SPTLC3: variants seen among roughly 807,000 people sequenced by gnomAD.
SPTLC3 encodes the protein serine palmitoyltransferase 3.
Under a neutral mutation model 59.3 loss-of-function variants are expected in SPTLC3, and 36 were observed. The ratio of observed to expected loss-of-function variants is 0.61; its 90% CI spans 0.47 to 0.80. The LOEUF (loss-of-function observed/expected upper bound fraction) is 0.80, where lower values mean the gene tolerates loss of function less well. SPTLC3 is among the 30% of genes least tolerant of loss of function. The probability of loss-of-function intolerance (pLI) is 0.00; values close to 1 mark genes in which losing one functional copy is unlikely to be tolerated. For synonymous variants in SPTLC3, 257 were observed against 240.8 expected (o/e 1.07, Z -0.62); for missense variants, 625 against 685.1 (o/e 0.91, Z 0.98).
chr20:13,091,860 C>G (rs1322677150), intron 5 of SPTLC3, among the ~76,000 whole-genome samples: 1 of 152,100 alleles, frequency 6.6e-6, no homozygotes, highest in African/African-American at 2.4e-5. Context: ...CTACATTACC[C>G]ATTTATTTTT....
chr20:13,093,413 C>T, intron 5 of SPTLC3, 71 bp from the exon 6 acceptor site: 1 of 1,387,702 alleles, frequency 7.2e-7, no homozygotes, highest in Non-Finnish European at 1.0e-6. Context: ...GAGTGTCTTC[C>T]TGTCCCCACA....
At chr20:13,018,145 C>T (rs1985637672) in intron 1 of SPTLC3, among the ~76,000 whole-genome samples, 1 of 152,226 alleles carries the variant, frequency 6.6e-6, no homozygotes, top group African/African-American at 2.4e-5. Context: ...CCCTGTTGGG[C>T]TCTGCCCATA....
At chr20:13,138,962 G>A (rs1279513601) in intron 9 of SPTLC3, among the ~76,000 whole-genome samples, 1 of 152,154 alleles carries the variant, frequency 6.6e-6, no homozygotes, top group Non-Finnish European at 1.5e-5. Flanking sequence ...ACTCAAAAGT[G>A]TATTTGACTT....
chr20:13,118,460 C>CAAA (rs3041745), intron 8 of SPTLC3, among the ~76,000 whole-genome samples: 2 of 127,634 alleles, frequency 1.6e-5, no homozygotes, highest in Admixed American at 8.3e-5. Context: ...AAAAAAAAAA[C>CAAA]AAAAAAAAAC....
At chr20:13,026,883 A>T (rs1426129958) in intron 1 of SPTLC3, among the ~76,000 whole-genome samples, 2 of 152,190 alleles carry the variant, frequency 1.3e-5, no homozygotes, top group Admixed American at 6.5e-5. Flanking sequence ...AGTGGGCATC[A>T]GGCCAAAAGC....
At chr20:13,101,058 G>A (rs978791014) in intron 6 of SPTLC3, among the ~76,000 whole-genome samples, 1 of 152,210 alleles carries the variant, frequency 6.6e-6, no homozygotes, top group Non-Finnish European at 1.5e-5. Context: ...AGTGACCAGA[G>A]TGGACAACAG....
chr20:13,070,281 T>C (rs1988388283), intron 2 of SPTLC3, among the ~76,000 whole-genome samples: 1 of 152,148 alleles, frequency 6.6e-6, no homozygotes, highest in Non-Finnish European at 1.5e-5. Flanking sequence ...TTAAACAGTA[T>C]ATGCTTATGA....
intron 6 of SPTLC3, among the ~76,000 whole-genome samples, chr20:13,102,350 A>G (rs1404137019): frequency 6.6e-6 from 1 of 152,196 alleles, no homozygotes; most frequent in Admixed American, 6.5e-5. Flanking sequence ...TTTTAGCCTC[A>G]TAACTACAAA....
At chr20:13,049,268 A>C in intron 2 of SPTLC3, 138 bp downstream of exon 2, 13 of 935,332 alleles carry the variant, frequency 1.4e-5, no homozygotes, top group Non-Finnish European at 2.2e-5. Flanking sequence ...ATTCATCTCC[A>C]CCTCCTAAAC....
chr20:13,088,085 G>C (rs1472885807), intron 4 of SPTLC3, among the ~76,000 whole-genome samples: 3 of 152,176 alleles, frequency 2.0e-5, no homozygotes, highest in Non-Finnish European at 4.4e-5. Context: ...CCAGGCTGTT[G>C]GCCTTTTCAC....
chr20:13,031,270 G>A (rs1482451792), intron 1 of SPTLC3, among the ~76,000 whole-genome samples: 8 of 152,184 alleles, frequency 5.3e-5, no homozygotes, highest in Admixed American at 5.2e-4. Context: ...CACTTGAAAT[G>A]TGGCTAGTGC....
At chr20:13,037,139 C>A (rs1040490075) in intron 1 of SPTLC3, among the ~76,000 whole-genome samples, 1 of 151,946 alleles carries the variant, frequency 6.6e-6, no homozygotes, top group Non-Finnish European at 1.5e-5. Context: ...AAAACAGAGA[C>A]ATTTTCCATT....
intron 2 of SPTLC3, among the ~76,000 whole-genome samples, chr20:13,066,160 G>A (rs1555790694): frequency 6.6e-6 from 1 of 152,162 alleles, no homozygotes; most frequent in Non-Finnish European, 1.5e-5. Context: ...GAGATCATAT[G>A]CAGTAGTGTT....
rs760206775 is a variant in SPTLC3, at chr20:13,160,082, C to T, written c.1495C>T (p.Arg499Trp). 5 of 1,613,616 alleles carry T rather than the reference C, an allele frequency of 3.1e-6. No homozygotes were observed. The highest frequency in any genetic ancestry group is 2.7e-5 in the African/African-American group (2 of 74,802). ...TCCAGCCACTCCCCTCGCAGAAGCTCGGGCTCGGTTTTGTGTTTCAGCGGC... is the reference window on the plus strand; with the variant it reads ...TCCAGCCACTCCCCTCGCAGAAGCTTGGGCTCGGTTTTGTGTTTCAGCGGC... ...GFPATPLAEA[R>W]ARFCVSAAHT... is the part of the protein sequence containing the mutation. Residue 499 changes from arginine to tryptophan, a missense_variant, in exon 11 of 12, where the codon CGG (arginine) becomes TGG (tryptophan). Coordinates refer to ENST00000399002, the MANE Select transcript of SPTLC3 (RefSeq NM_018327.4).
chr20:13,109,993 G>C (rs552428496), intron 6 of SPTLC3, 119 bp from the exon 7 acceptor site: 5 of 762,140 alleles, frequency 6.6e-6, no homozygotes, highest in Non-Finnish European at 1.0e-5. Flanking sequence ...CTCTGATTCT[G>C]AATTTGTTCT....
At chr20:13,151,649 C>A (rs182434846) in intron 9 of SPTLC3, among the ~76,000 whole-genome samples, 70 of 152,314 alleles carry the variant, frequency 4.6e-4, no homozygotes, top group Non-Finnish European at 7.3e-4. Flanking sequence ...TCTGCATATA[C>A]CATATTGTTA....
rs557345914 is a variant in SPTLC3, at chr20:13,163,501, C to T, written c.1546-1253C>T. Among the ~76,000 whole-genome samples the T allele has an allele frequency of 2.2e-4, 34 of 152,196 alleles. No individual in the cohort carries two copies. The East Asian group carries it at 5.2e-3, about 23-fold the overall frequency. ...ACTGAACTAGTCCATCCCCCACCTT[C>T]AGCAAAGATTGCTAGAAACTATCCC... On this transcript the variant is annotated intron_variant, in intron 11 of 11. Coordinates refer to ENST00000399002, the MANE Select transcript of SPTLC3 (RefSeq NM_018327.4).
At chr20:13,051,388 A>C (rs1028999378) in intron 2 of SPTLC3, among the ~76,000 whole-genome samples, 1 of 152,234 alleles carries the variant, frequency 6.6e-6, no homozygotes, top group Non-Finnish European at 1.5e-5. Context: ...GGAAAATATC[A>C]CAATCCTAAA....
intron 1 of SPTLC3, among the ~76,000 whole-genome samples, chr20:13,034,931 G>A (rs1045296708): frequency 6.6e-6 from 1 of 152,106 alleles, no homozygotes; most frequent in African/African-American, 2.4e-5. Flanking sequence ...GAAAGGTGAT[G>A]GGTATCTATC....
Sources: gnomAD v4.1 joint callset for allele counts (sites outside exome capture counted in the v4.1 genomes callset) on GRCh38, gnomAD v4.1.1 for gene constraint, MANE v1.5 for transcripts, NCBI Gene and HGNC (gene_info 2026-07-23, HGNC 2026-07-21) for gene names.